DACH2: variants seen among roughly 807,000 people sequenced by gnomAD.
DACH2 encodes dachshund family transcription factor 2, also known as dachshund homolog 2.
Under a neutral mutation model 35.8 loss-of-function variants are expected in DACH2, and 17 were observed. The ratio of observed to expected loss-of-function variants is 0.48; its 90% CI spans 0.33 to 0.71. The LOEUF is 0.71. Among genes scored for constraint, DACH2 ranks in the 30% least tolerant of loss-of-function variants. The probability of loss-of-function intolerance (pLI) is 0.02; values close to 1 mark genes in which losing one functional copy is unlikely to be tolerated. For synonymous variants in DACH2, 195 were observed against 177.3 expected (o/e 1.10, Z -0.79); for missense variants, 469 against 472.7 (o/e 0.99, Z 0.07).
chrX:86,742,735 A>AT, intron 7 of DACH2: 1 of 290,426 alleles, frequency 3.4e-6, no homozygotes, highest in Non-Finnish European at 6.6e-6. Flanking sequence ...AGGTAAAATG[A>AT]TTTTTGCTTA....
intron 2 of DACH2, among the ~76,000 whole-genome samples, chrX:86,511,753 G>T (rs1053641245): frequency 9.0e-6 from 1 of 111,269 alleles, no homozygotes; most frequent in Non-Finnish European, 1.9e-5. Flanking sequence ...TGACTACAGG[G>T]GCCTTTATTC....
intron 7 of DACH2, among the ~76,000 whole-genome samples, chrX:86,744,243 G>A (rs150111887): frequency 0.017 from 1,865 of 111,086 alleles, 44 homozygotes; most frequent in African/African-American, 0.058. Context: ...ATCCTGATGA[G>A]GACATTAATA....
Position 86,396,515 on chromosome X carries a change from G to A in DACH2, c.527+19653G>A, listed in dbSNP as rs865791588. On this transcript the variant is annotated intron_variant, in intron 2 of 11. Transcript: ENST00000373125. ...TAGGTTTTCTTCTAGGGTTTTTATG[G>A]TTTTAGGTCTAACATTTAAGTCTTT... Among the ~76,000 whole-genome samples the A allele has an allele frequency of 4.2e-3, 426 of 100,855 alleles. 1 individual carries two copies. The highest frequency in any genetic ancestry group is 0.014 in the African/African-American group (393 of 27,196). The allele number at this position is 100,855 out of a possible 115,157, so 87.6% of individuals were successfully genotyped here.
intron 1 of DACH2, among the ~76,000 whole-genome samples, chrX:86,171,130 C>A (rs1453383208): frequency 9.0e-6 from 1 of 111,385 alleles, no homozygotes; most frequent in Non-Finnish European, 1.9e-5. Flanking sequence ...GATTTTGGGG[C>A]CCCAAGATTT....
At chrX:86,426,607 G>T (rs753690314) in intron 2 of DACH2, among the ~76,000 whole-genome samples, 116 of 111,172 alleles carry the variant, frequency 1.0e-3, no homozygotes, top group Non-Finnish European at 1.8e-3. Flanking sequence ...AAAATAAATT[G>T]TACCTTTATT....
chrX:86,434,287 A>G (rs1177682002), intron 2 of DACH2, among the ~76,000 whole-genome samples: 1 of 111,667 alleles, frequency 9.0e-6, no homozygotes, highest in Non-Finnish European at 1.9e-5. Context: ...ATAATCACAT[A>G]ATGGAGAATG....
chrX:86,232,630 G>A (rs1208026550), intron 1 of DACH2, among the ~76,000 whole-genome samples: 3 of 111,608 alleles, frequency 2.7e-5, no homozygotes, highest in Non-Finnish European at 5.7e-5. Context: ...AATGCAAACC[G>A]TAACAAGATA....
intron 1 of DACH2, among the ~76,000 whole-genome samples, chrX:86,320,102 C>T (rs1265568107): frequency 9.0e-6 from 1 of 111,358 alleles, no homozygotes; most frequent in African/African-American, 3.3e-5. Context: ...TTTGTGGCAA[C>T]TTTTCTGTTT....
chrX:86,240,884 T>G (rs1406028925), intron 1 of DACH2, among the ~76,000 whole-genome samples: 1 of 111,475 alleles, frequency 9.0e-6, no homozygotes, highest in Non-Finnish European at 1.9e-5. Context: ...TATGCCATGG[T>G]AAGACGTACA....
chrX:86,730,586 T>C (rs2041521847), intron 6 of DACH2, among the ~76,000 whole-genome samples: 1 of 112,030 alleles, frequency 8.9e-6, no homozygotes, highest in African/African-American at 3.2e-5. Flanking sequence ...TCATATTTTT[T>C]GTTTTCCATT....
At chrX:86,505,528 A>C (rs1359250958) in intron 2 of DACH2, among the ~76,000 whole-genome samples, 1 of 111,856 alleles carries the variant, frequency 8.9e-6, no homozygotes, top group Non-Finnish European at 1.9e-5. Context: ...AAGTGAAATC[A>C]TATGGTATTT....
chrX:86,356,630 G>A (rs7887580), intron 1 of DACH2, among the ~76,000 whole-genome samples: 1,486 of 110,929 alleles, frequency 0.013, 26 homozygotes, highest in African/African-American at 0.046. Flanking sequence ...GGACAATATG[G>A]CCATTTAAAC....
At chrX:86,551,780 C>T (rs768743591) in intron 3 of DACH2, among the ~76,000 whole-genome samples, 2 of 111,755 alleles carry the variant, frequency 1.8e-5, no homozygotes, top group East Asian at 5.7e-4. Flanking sequence ...ATTTCTCAAT[C>T]TTGTAAAAAT....
At chrX:86,337,788 A>T (rs1405192658) in intron 1 of DACH2, among the ~76,000 whole-genome samples, 1 of 111,883 alleles carries the variant, frequency 8.9e-6, no homozygotes, top group African/African-American at 3.2e-5. Flanking sequence ...AAGAGTCAAG[A>T]CCCATCAGTG....
At chrX:86,292,369 A>C (rs1449666544) in intron 1 of DACH2, among the ~76,000 whole-genome samples, 5 of 95,413 alleles carry the variant, frequency 5.2e-5, no homozygotes, top group Non-Finnish European at 1.0e-4. Context: ...ATCCATTCAA[A>C]AAACCAGCTC....
chrX:86,831,197 A>G (rs1569487258), intron 11 of DACH2: 1 of 111,848 alleles, frequency 8.9e-6, no homozygotes. Flanking sequence ...AGGTTAAAAA[A>G]GGGTATACTT....
intron 1 of DACH2, among the ~76,000 whole-genome samples, chrX:86,159,711 A>G (rs1232354302): frequency 1.8e-5 from 2 of 111,756 alleles, no homozygotes; most frequent in African/African-American, 6.5e-5. Flanking sequence ...TTATTGTCTC[A>G]TCTCCAGATT....
At chrX:86,203,126 C>G (rs1432605185) in intron 1 of DACH2, among the ~76,000 whole-genome samples, 1 of 111,019 alleles carries the variant, frequency 9.0e-6, no homozygotes, top group Non-Finnish European at 1.9e-5. Flanking sequence ...TATAGATTGG[C>G]TTTCTTGTTC....
chrX:86,264,317 C>G (rs1040170901), intron 1 of DACH2, among the ~76,000 whole-genome samples: 1 of 111,742 alleles, frequency 8.9e-6, no homozygotes, highest in Admixed American at 9.6e-5. Flanking sequence ...TTTTCATGTA[C>G]ATTTAGTAGC....
Sources: gnomAD v4.1 joint callset for allele counts (sites outside exome capture counted in the v4.1 genomes callset) on GRCh38, gnomAD v4.1.1 for gene constraint, MANE v1.5 for transcripts, NCBI Gene and HGNC (gene_info 2026-07-23, HGNC 2026-07-21) for gene names.